The following C4BPA variants were observed in gnomAD, a reference collection of about 807,000 sequenced individuals.
The protein encoded by C4BPA is complement component 4 binding protein alpha.
In C4BPA, 31 loss-of-function variants were observed where a neutral mutation model predicts 63.7. The ratio of observed to expected loss-of-function variants is 0.49; its 90% CI spans 0.37 to 0.66. The LOEUF (loss-of-function observed/expected upper bound fraction) is 0.66. Ranked by LOEUF, C4BPA falls within the 30% of genes least tolerant of loss-of-function variation. The pLI is 0.00. For missense variants in C4BPA, 572 were observed against 723.3 expected, an observed-to-expected ratio of 0.79 and a Z score of 2.40; for synonymous variants, 259 against 254.7, an observed-to-expected ratio of 1.02 and a Z score of -0.16.
chr1:207,144,490 C>G (rs1685489541), intron 11 of C4BPA, 54 bp from the exon 12 acceptor site: 2 of 1,487,646 alleles, frequency 1.3e-6, no homozygotes, highest in African/African-American at 1.4e-5. Flanking sequence ...ATCCACCCTC[C>G]TTTATGATTA....
chr1:207,105,738 G>T (rs1040411931), intron 1 of C4BPA, among the ~76,000 whole-genome samples: 3 of 152,028 alleles, frequency 2.0e-5, no homozygotes, highest in African/African-American at 7.2e-5. Context: ...TTTTAAAAGG[G>T]GGAAGTTAGA....
At chr1:207,129,529 T>C (rs527540585) in intron 7 of C4BPA, among the ~76,000 whole-genome samples, 2 of 151,524 alleles carry the variant, frequency 1.3e-5, no homozygotes, top group Admixed American at 1.3e-4. Flanking sequence ...GACATTATAA[T>C]CAAAATGTTG....
intron 10 of C4BPA, 25 bp from the exon 11 acceptor site, chr1:207,143,793 T>A: frequency 6.4e-7 from 1 of 1,554,152 alleles, no homozygotes; most frequent in South Asian, 1.1e-5. Flanking sequence ...TTTACAGATT[T>A]CTTAAAAATA....
chr1:207,140,939 G>A (rs573015434), intron 9 of C4BPA, among the ~76,000 whole-genome samples, 167 bp from the exon 10 acceptor site: 1 of 152,322 alleles, frequency 6.6e-6, no homozygotes, highest in Non-Finnish European at 1.5e-5. Context: ...CCAGCTTGAG[G>A]CTTACAGGAG....
At chr1:207,117,412 C>T (rs1386244738) in intron 4 of C4BPA, among the ~76,000 whole-genome samples, 1 of 152,154 alleles carries the variant, frequency 6.6e-6, no homozygotes, top group Non-Finnish European at 1.5e-5. Flanking sequence ...GATAGTGCCA[C>T]TGCACTACAA....
At chr1:207,104,874 A>C (rs1684527243) in intron 1 of C4BPA, among the ~76,000 whole-genome samples, 1 of 152,136 alleles carries the variant, frequency 6.6e-6, no homozygotes, top group African/African-American at 2.4e-5. Context: ...GATTTGATTA[A>C]CCACTCCAAA....
intron 4 of C4BPA, among the ~76,000 whole-genome samples, chr1:207,115,768 C>G (rs567975119): frequency 7.0e-4 from 106 of 152,240 alleles, no homozygotes; most frequent in African/African-American, 2.4e-3. Context: ...TATTTTCCCC[C>G]CTTTCCTCTA....
intron 4 of C4BPA, among the ~76,000 whole-genome samples, chr1:207,117,937 A>G (rs890201141): frequency 6.6e-6 from 1 of 152,140 alleles, no homozygotes; most frequent in Admixed American, 6.5e-5. Flanking sequence ...ACCCTTTGCT[A>G]TGCTTTCCTC....
chr1:207,142,667 C>A (rs556336537), intron 10 of C4BPA, among the ~76,000 whole-genome samples: 8 of 152,062 alleles, frequency 5.3e-5, no homozygotes, highest in African/African-American at 9.7e-5. Context: ...CTCTAATGAC[C>A]AGTGATGATG....
chr1:207,130,104 T>C (rs1201185875), intron 7 of C4BPA, among the ~76,000 whole-genome samples: 3 of 152,200 alleles, frequency 2.0e-5, no homozygotes, highest in African/African-American at 7.2e-5. Context: ...TATTATACTG[T>C]GGTTCAAATT....
At chr1:207,111,606 G>A (rs535326490) in intron 1 of C4BPA, among the ~76,000 whole-genome samples, 1 of 152,300 alleles carries the variant, frequency 6.6e-6, no homozygotes, top group Non-Finnish European at 1.5e-5. Flanking sequence ...TTCTCTCCAA[G>A]ATGTTTCAGT....
In C4BPA at chr1:207,144,762, C is replaced by T. The variant is rs201723207; in HGVS notation, c.*45C>T. On this transcript the variant is annotated 3_prime_UTR_variant, in exon 12 of 12. Transcript: ENST00000367070. ...GAAAAGGTGTCTTGCTGGCTTGCCTCTTGCAATTCAATACAGATCAGTTTA... is the reference window on the plus strand; with the variant it reads ...GAAAAGGTGTCTTGCTGGCTTGCCTTTTGCAATTCAATACAGATCAGTTTA... 119 of 1,419,354 alleles carry T rather than the reference C, an allele frequency of 8.4e-5. No individual in the cohort carries two copies. Among genetic ancestry groups the T allele is most frequent in the Middle Eastern group, 1.9e-4 (1 of 5,308 alleles). 87.9% of individuals were successfully genotyped at this position (1,419,354 alleles called of 1,614,324 possible).
chr1:207,142,102 A>G (rs1685430955), intron 10 of C4BPA, among the ~76,000 whole-genome samples: 1 of 101,398 alleles, frequency 9.9e-6, no homozygotes, highest in Non-Finnish European at 1.8e-5. Context: ...CCAGTGTGTG[A>G]TGTTCCCCTC....
At chr1:207,117,321 C>T (rs537093283) in intron 4 of C4BPA, among the ~76,000 whole-genome samples, 7 of 152,188 alleles carry the variant, frequency 4.6e-5, no homozygotes, top group African/African-American at 7.2e-5. Flanking sequence ...TGTGGTAGCA[C>T]GCACTTCTAG....
intron 7 of C4BPA, 166 bp downstream of exon 7, chr1:207,127,061 T>C (rs1298974983): frequency 7.1e-6 from 4 of 564,250 alleles, no homozygotes; most frequent in African/African-American, 1.9e-5. Context: ...AAGAATGATT[T>C]TAGTGCACTC....
At chr1:207,134,800 C>A (rs1426867678) in intron 9 of C4BPA, among the ~76,000 whole-genome samples, 3 of 152,168 alleles carry the variant, frequency 2.0e-5, no homozygotes, top group Non-Finnish European at 4.4e-5. Flanking sequence ...TGAAAATAGA[C>A]AACATGTAAT....
At chr1:207,109,356 A>G (rs997952984) in intron 1 of C4BPA, among the ~76,000 whole-genome samples, 1 of 152,236 alleles carries the variant, frequency 6.6e-6, no homozygotes, top group East Asian at 1.9e-4. Context: ...TCCAATGCCA[A>G]TTCTATGAAA....
chr1:207,125,772 A>G (rs866518361), intron 6 of C4BPA, among the ~76,000 whole-genome samples: 1 of 152,220 alleles, frequency 6.6e-6, no homozygotes, highest in Non-Finnish European at 1.5e-5. Flanking sequence ...GTATTTTGTT[A>G]TAGCAGCAGG....
rs1363224897 is a variant in C4BPA, at chr1:207,134,451, C to G, written c.1132C>G (p.His378Asp). ...PKLNNGEITQ[H>D]RKSRPANHCV... ...GCTAAATAATGGTGAAATCACTCAA[C>G]ACAGGAAAAGTCGTCCTGCCAATCA... Residue 378 changes from histidine (H) to aspartate (D), a missense_variant, in exon 9 of 12, where the codon CAC becomes GAC. His to Asp is a moderately conservative substitution (Grantham distance 81, BLOSUM62 -1). Coordinates refer to ENST00000367070, the MANE Select transcript of C4BPA (RefSeq NM_000715.4). The G allele has an allele frequency of 6.2e-7, 1 of 1,613,804 alleles. No individual in the cohort carries two copies. The highest frequency in any genetic ancestry group is 1.7e-5 in the Admixed American group (1 of 60,002).
Sources: allele counts gnomAD v4.1 joint callset (sites outside exome capture counted in the v4.1 genomes callset), GRCh38; gene constraint gnomAD v4.1.1; transcripts MANE v1.5; gene names NCBI Gene and HGNC (gene_info 2026-07-23, HGNC 2026-07-21).